Variants in NTRK3 observed in about 807,000 individuals in gnomAD.
NTRK3 encodes neurotrophic receptor tyrosine kinase 3.
NTRK3 carries 24 observed loss-of-function variants against 91.7 expected under a neutral mutation model. That is an observed-to-expected ratio of 0.26 (90% CI 0.19 to 0.37). The LOEUF (loss-of-function observed/expected upper bound fraction) is 0.37, where lower values mean the gene tolerates loss of function less well. Among genes scored for constraint, NTRK3 ranks in the 10% least tolerant of loss-of-function variants. The pLI is 1.00. For synonymous variants in NTRK3, 483 were observed against 404.0 expected (o/e 1.20, Z -2.34); for missense variants, 880 against 1,068.9 (o/e 0.82, Z 2.46).
At chr15:87,956,253 G>A (rs192054846) in intron 14 of NTRK3, among the ~76,000 whole-genome samples, 8 of 152,300 alleles carry the variant, frequency 5.3e-5, no homozygotes, top group Admixed American at 1.3e-4. Context: ...CTCCAGGTAC[G>A]TACAAAGTGG....
intron 17 of NTRK3, among the ~76,000 whole-genome samples, chr15:87,911,901 C>A (rs2067107764): frequency 6.6e-6 from 1 of 152,176 alleles, no homozygotes; most frequent in Non-Finnish European, 1.5e-5. Flanking sequence ...AACTTCTAAG[C>A]TACTGTGAAT....
chr15:87,933,459 G>T (rs146579609), intron 15 of NTRK3, among the ~76,000 whole-genome samples: 19 of 152,322 alleles, frequency 1.2e-4, no homozygotes, highest in Admixed American at 1.2e-3. Flanking sequence ...CAGAGCCCTG[G>T]GCTTCCGCAG....
intron 14 of NTRK3, among the ~76,000 whole-genome samples, chr15:87,995,885 A>T (rs1357866675): frequency 6.6e-6 from 1 of 152,228 alleles, no homozygotes; most frequent in Admixed American, 6.5e-5. Context: ...TTGAAATTTG[A>T]ATTTCATATA....
At chr15:87,935,579 A>T (rs1242680127) in intron 15 of NTRK3, among the ~76,000 whole-genome samples, 1 of 152,174 alleles carries the variant, frequency 6.6e-6, no homozygotes, top group Non-Finnish European at 1.5e-5. Context: ...AAGAAGAAGA[A>T]GAAGGGGAAA....
intron 13 of NTRK3, among the ~76,000 whole-genome samples, chr15:88,067,713 A>C (rs1380169069): frequency 6.6e-6 from 1 of 152,200 alleles, no homozygotes; most frequent in Non-Finnish European, 1.5e-5. Flanking sequence ...AAGTTGGTAG[A>C]ATCTAAATGC....
intron 17 of NTRK3, among the ~76,000 whole-genome samples, chr15:87,889,787 T>C (rs1019939699): frequency 6.6e-6 from 1 of 152,068 alleles, no homozygotes; most frequent in Non-Finnish European, 1.5e-5. Flanking sequence ...AAAATACTAA[T>C]AATGCCTTAA....
intron 17 of NTRK3, chr15:87,916,453 T>A: frequency 1.4e-6 from 1 of 699,134 alleles, no homozygotes; most frequent in East Asian, 2.7e-5. Context: ...TTCCTCTCCT[T>A]TCCCGAGGAC....
rs1163853388 is a variant in NTRK3 at position 87,906,970 on chromosome 15, G to C, written c.2133+22221C>G. Among the ~76,000 whole-genome samples, 4 of 152,134 alleles carry C rather than the reference G, an allele frequency of 2.6e-5. No individual in the cohort carries two copies. The East Asian group carries it at 7.7e-4, about 29-fold the overall frequency. ...GCACCAACAATAACTCAGGATACAT[G>C]GATAAAATGACTGTATGCCCCAATT... On this transcript the variant is annotated intron_variant, in intron 17 of 18. Coordinates refer to ENST00000394480, the Ensembl canonical transcript of NTRK3.
chr15:88,065,898 C>T (rs2046608867), intron 13 of NTRK3, among the ~76,000 whole-genome samples: 1 of 152,216 alleles, frequency 6.6e-6, no homozygotes, highest in East Asian at 1.9e-4. Context: ...CATCATAAGC[C>T]TTGTCAAACA....
intron 13 of NTRK3, among the ~76,000 whole-genome samples, chr15:88,103,787 C>T (rs187581448): frequency 6.6e-6 from 1 of 152,122 alleles, no homozygotes; most frequent in Non-Finnish European, 1.5e-5. Flanking sequence ...CCCATTCCCC[C>T]ACAGAGTCCC....
At chr15:88,030,428 G>A (rs954841162) in intron 14 of NTRK3, among the ~76,000 whole-genome samples, 3 of 152,086 alleles carry the variant, frequency 2.0e-5, no homozygotes, top group African/African-American at 4.8e-5. Flanking sequence ...TATTCTGAAG[G>A]CCCAGAGGAA....
At chr15:88,020,595 T>C (rs552765127) in intron 14 of NTRK3, among the ~76,000 whole-genome samples, 1 of 152,312 alleles carries the variant, frequency 6.6e-6, no homozygotes, top group East Asian at 1.9e-4. Context: ...TGATCACATA[T>C]TGTCACTTAT....
chr15:88,113,018 T>C (rs2051594944), intron 13 of NTRK3, among the ~76,000 whole-genome samples: 3 of 152,162 alleles, frequency 2.0e-5, no homozygotes, highest in Admixed American at 2.0e-4. Flanking sequence ...TTTGAAATCA[T>C]TCTTTCCCAA....
rs142444332 is a variant in NTRK3 at position 88,235,511 on chromosome 15, C to G, written c.248+20395G>C. 3.6e-3 allele frequency among the ~76,000 whole-genome samples: 552 copies of G among 152,254 alleles called. 2 individuals carry two copies. The highest frequency in any genetic ancestry group is 0.018 in the East Asian group (95 of 5,164). On this transcript the variant is annotated intron_variant, in intron 3 of 18. Coordinates refer to ENST00000394480, the Ensembl canonical transcript of NTRK3. The surrounding 1 kb of genome is among the most constrained non-coding windows in gnomAD (Gnocchi z 5.2). ...CTTTCTGGTGGGACCAGGCCCTCTT[C>G]GAGTGGCATTCATCTATCCCTTGCA...
intron 13 of NTRK3, among the ~76,000 whole-genome samples, chr15:88,089,044 C>T (rs1442689011): frequency 6.6e-6 from 1 of 151,264 alleles, no homozygotes; most frequent in Non-Finnish European, 1.5e-5. Context: ...CCTCAGCCAT[C>T]ATCATCATCT....
rs528827867 is a variant in NTRK3 at position 88,128,139 on chromosome 15, C to G, written c.1228+572G>C. 1.2e-4 allele frequency among the ~76,000 whole-genome samples: 19 copies of G among 152,276 alleles called. No homozygotes were observed. The South Asian group carries it at 1.5e-3, about 12-fold the overall frequency. On this transcript the variant is annotated intron_variant, in intron 11 of 18. Coordinates refer to ENST00000394480, the Ensembl canonical transcript of NTRK3. ...GAAAAAAAAGAAAAAGGAATAAACACAGGTTTCCCTACAGTCCATAAACAA... is the reference window on the plus strand; with the variant it reads ...GAAAAAAAAGAAAAAGGAATAAACAGAGGTTTCCCTACAGTCCATAAACAA...
chr15:87,962,746 G>A (rs892694806), intron 14 of NTRK3, among the ~76,000 whole-genome samples: 11 of 152,064 alleles, frequency 7.2e-5, no homozygotes, highest in African/African-American at 1.7e-4. Context: ...CAAGGACGCC[G>A]CCTGCTTAAA....
chr15:88,075,613 T>C (rs2047473616), intron 13 of NTRK3, among the ~76,000 whole-genome samples: 2 of 152,140 alleles, frequency 1.3e-5, no homozygotes, highest in African/African-American at 4.8e-5. Context: ...GTTGTTGTTG[T>C]TGTTGTTGTT....
At chr15:88,244,515 C>G (rs2052649359) in intron 3 of NTRK3, among the ~76,000 whole-genome samples, 1 of 150,784 alleles carries the variant, frequency 6.6e-6, no homozygotes, top group African/African-American at 2.4e-5. Flanking sequence ...GCTATGGGCT[C>G]TGGCTGAATC....
Sources: allele counts gnomAD v4.1 joint callset (sites outside exome capture counted in the v4.1 genomes callset), GRCh38; gene constraint gnomAD v4.1.1; non-coding constraint Gnocchi (gnomAD v3.1); transcripts MANE v1.5; gene names NCBI Gene and HGNC (gene_info 2026-07-23, HGNC 2026-07-21).